The following ITGB3BP variants were observed in gnomAD, a reference collection of about 807,000 sequenced individuals.
The protein encoded by ITGB3BP is centromere protein R.
In ITGB3BP, 27 loss-of-function variants were observed where a neutral mutation model predicts 29.1. The observed-to-expected ratio is 0.93, with a 90% CI of 0.68 to 1.28. The LOEUF is 1.28. ITGB3BP is among the 50% of genes most tolerant of loss of function. ITGB3BP has a pLI of 0.00. For synonymous variants in ITGB3BP, 61 were observed against 61.4 expected, an observed-to-expected ratio of 0.99 and a Z score of 0.03; for missense variants, 192 against 200.2, an observed-to-expected ratio of 0.96 and a Z score of 0.25.
chr1:63,502,122 T>C (rs572557434), intron 2 of ITGB3BP, among the ~76,000 whole-genome samples: 1 of 152,272 alleles, frequency 6.6e-6, no homozygotes, highest in African/African-American at 2.4e-5. Flanking sequence ...TATAAATTCA[T>C]CTGGACTGCC....
chr1:63,516,891 A>C (rs970111003), intron 1 of ITGB3BP, among the ~76,000 whole-genome samples: 3 of 152,130 alleles, frequency 2.0e-5, no homozygotes, highest in African/African-American at 4.8e-5. Context: ...TCTTTCGGGT[A>C]CAATGTTCAC....
intron 4 of ITGB3BP, among the ~76,000 whole-genome samples, chr1:63,458,747 C>T (rs11208221): frequency 0.39 from 59,934 of 152,004 alleles, 13,579 homozygotes; most frequent in Non-Finnish European, 0.52. Context: ...ACCTTATTTA[C>T]TGTTACAACC....
chr1:63,458,706 T>C (rs1644970437), intron 4 of ITGB3BP, among the ~76,000 whole-genome samples: 1 of 152,166 alleles, frequency 6.6e-6, no homozygotes, highest in Non-Finnish European at 1.5e-5. Context: ...CTTACCATAT[T>C]GTAAGTTCCG....
intron 4 of ITGB3BP, among the ~76,000 whole-genome samples, chr1:63,477,923 A>G (rs1171109114): frequency 6.6e-6 from 1 of 152,114 alleles, no homozygotes; most frequent in East Asian, 1.9e-4. Flanking sequence ...CTGTCCCTCA[A>G]TATCTGTGGA....
intron 1 of ITGB3BP, among the ~76,000 whole-genome samples, chr1:63,513,588 A>G (rs932302580): frequency 6.6e-6 from 1 of 152,158 alleles, no homozygotes; most frequent in Non-Finnish European, 1.5e-5. Context: ...CATCGCTTAC[A>G]GTCTCTCTCA....
chr1:63,489,428 G>A (rs1490963616), intron 3 of ITGB3BP, among the ~76,000 whole-genome samples: 1 of 149,530 alleles, frequency 6.7e-6, no homozygotes, highest in African/African-American at 2.4e-5. Flanking sequence ...AAACCCCACG[G>A]AATCGAGATT....
At chr1:63,490,911 T>C (rs1417883593) in intron 2 of ITGB3BP, among the ~76,000 whole-genome samples, 1 of 152,184 alleles carries the variant, frequency 6.6e-6, no homozygotes, top group Non-Finnish European at 1.5e-5. Context: ...AACTAAAAAA[T>C]GTGTGAGGAA....
chr1:63,449,514 A>G (rs1057187377), intron 7 of ITGB3BP: 3 of 152,292 alleles, frequency 2.0e-5, no homozygotes, highest in Non-Finnish European at 4.4e-5. Flanking sequence ...ATCTCAAGTA[A>G]GCATTTTTAG....
intron 1 of ITGB3BP, among the ~76,000 whole-genome samples, chr1:63,518,557 CTGTTA>C (rs1390113510): frequency 6.6e-6 from 1 of 150,806 alleles, no homozygotes; most frequent in Admixed American, 6.6e-5. Context: ...TCCTGTTAGA[CTGTTA>C]TATCTACCTT....
intron 1 of ITGB3BP, among the ~76,000 whole-genome samples, chr1:63,521,221 T>C (rs1239522070): frequency 6.6e-6 from 1 of 151,638 alleles, no homozygotes; most frequent in Non-Finnish European, 1.5e-5. Context: ...AAGATAACTA[T>C]TTGCACCACT....
At chr1:63,460,550 G>A (rs985942892) in intron 4 of ITGB3BP, among the ~76,000 whole-genome samples, 10 of 152,146 alleles carry the variant, frequency 6.6e-5, no homozygotes, top group African/African-American at 2.4e-4. Context: ...ATTTGCTGAT[G>A]AACATTTGGG....
intron 4 of ITGB3BP, among the ~76,000 whole-genome samples, chr1:63,471,945 T>A (rs912393057): frequency 1.3e-5 from 2 of 151,918 alleles, no homozygotes; most frequent in African/African-American, 2.4e-5. Flanking sequence ...CCACCACGCC[T>A]GGCTAATTTT....
At chr1:63,514,355 A>T (rs1323441635) in intron 1 of ITGB3BP, among the ~76,000 whole-genome samples, 1 of 152,134 alleles carries the variant, frequency 6.6e-6, no homozygotes, top group East Asian at 1.9e-4. Flanking sequence ...TGTTTTCCTT[A>T]GCTATACTGC....
chr1:63,489,726 T>G (rs1364311239), intron 3 of ITGB3BP, among the ~76,000 whole-genome samples: 1 of 152,064 alleles, frequency 6.6e-6, no homozygotes, highest in Non-Finnish European at 1.5e-5. Context: ...AGTATCACTC[T>G]TAAGTTGTAG....
chr1:63,522,953 C>T (rs776577823), intron 1 of ITGB3BP, 176 bp downstream of exon 1: 6 of 801,524 alleles, frequency 7.5e-6, no homozygotes, highest in Admixed American at 3.4e-5. Context: ...CGTATGAGTA[C>T]CGCTGGAGGA....
chr1:63,464,315 T>C (rs1182433318), intron 4 of ITGB3BP, among the ~76,000 whole-genome samples: 1 of 152,212 alleles, frequency 6.6e-6, no homozygotes, highest in Non-Finnish European at 1.5e-5. Flanking sequence ...TTGAATGCTT[T>C]GCAGGTTTGT....
At chr1:63,458,113 T>C (rs1644961805) in intron 4 of ITGB3BP, 1 of 152,090 alleles carries the variant, frequency 6.6e-6, no homozygotes, top group East Asian at 1.9e-4. Flanking sequence ...CAACTGAAAT[T>C]AGGTGCATCA....
intron 1 of ITGB3BP, among the ~76,000 whole-genome samples, 191 bp from the exon 2 acceptor site, chr1:63,508,761 T>A (rs1326820004): frequency 6.6e-6 from 1 of 152,114 alleles, no homozygotes. Flanking sequence ...ATTGCATATC[T>A]CTAAATGGGA....
At chr1:63,474,898 AAAAT>A (rs1557626378) in intron 4 of ITGB3BP, among the ~76,000 whole-genome samples, 1 of 79,106 alleles carries the variant, frequency 1.3e-5, no homozygotes, top group Non-Finnish European at 2.7e-5. Flanking sequence ...ATAAAAAAAA[AAAAT>A]AAATAAATAA....
Sources: gnomAD v4.1 joint callset for allele counts (sites outside exome capture counted in the v4.1 genomes callset) on GRCh38, gnomAD v4.1.1 for gene constraint, MANE v1.5 for transcripts, NCBI Gene and HGNC (gene_info 2026-07-23, HGNC 2026-07-21) for gene names.